ZKSCAN1: variants seen among roughly 807,000 people sequenced by gnomAD.
ZKSCAN1 encodes zinc finger protein with KRAB and SCAN domains 1.
Under a neutral mutation model 51.6 loss-of-function variants are expected in ZKSCAN1, and 14 were observed. The ratio of observed to expected loss-of-function variants is 0.27; its 90% CI spans 0.18 to 0.42. The LOEUF (loss-of-function observed/expected upper bound fraction) is 0.42. Ranked by LOEUF, ZKSCAN1 falls within the 10% of genes least tolerant of loss-of-function variation. The pLI, the probability that ZKSCAN1 is intolerant of heterozygous loss-of-function variation, is 1.00. For missense variants in ZKSCAN1, 531 were observed against 710.0 expected (o/e 0.75, Z 2.86); for synonymous variants, 263 against 261.5 (o/e 1.01, Z -0.06).
chr7:100,041,512 A>G lies in ZKSCAN1; in HGVS notation c.*7315A>G, dbSNP rs889353208. The G allele has an allele frequency of 2.0e-6, 2 of 985,252 alleles. No individual in the cohort carries two copies. Among genetic ancestry groups the G allele is most frequent in the African/African-American group, 3.5e-5 (2 of 57,152 alleles). The allele number at this position is 985,252 out of a possible 1,614,324, so 61.0% of individuals were successfully genotyped here. ...TAATCATAAGAGAAAAGGCAGCATA[A>G]TGAAATGTGTACACATACATAGTCA... On this transcript the variant is annotated 3_prime_UTR_variant, in exon 6 of 6. Coordinates refer to ENST00000324306, the MANE Select transcript of ZKSCAN1 (RefSeq NM_003439.4).
At position 100,023,930 on chromosome 7, in the gene ZKSCAN1, C is replaced by G. The variant is rs1399597962; in HGVS notation, c.424C>G (p.Gln142Glu). 6.3e-7 allele frequency: 1 copy of G among 1,579,578 alleles called. No homozygotes were observed. The highest frequency in any genetic ancestry group is 1.2e-5 in the South Asian group (1 of 86,338). ...EDLELDLSGQQVPGQVHGPEM... is the reference protein window; with the variant it reads ...EDLELDLSGQEVPGQVHGPEM... ...CTTGGAGCTTGATTTATCAGGACAA[C>G]AGGTAAAAAGAGGTGAAACCTATTA... Residue 142 changes from glutamine to glutamate, a missense_variant and splice_region_variant, in exon 2 of 6, where the codon CAG becomes GAG. Physicochemically the swap from Gln to Glu is conservative, Grantham distance 29 (BLOSUM62 2). Around this residue, in one of 2 missense-constraint regions of ZKSCAN1, gnomAD observed 403 missense variants for 490.5 expected, o/e 0.82. Transcript: ENST00000324306.
chr7:100,037,403 T>C lies in ZKSCAN1; in HGVS notation c.*3206T>C, dbSNP rs1791411122. On this transcript the variant is annotated 3_prime_UTR_variant, in exon 6 of 6. Coordinates refer to ENST00000324306, the MANE Select transcript of ZKSCAN1 (RefSeq NM_003439.4). ...TGAGATTATCGATCTATGAGACATC[T>C]TGATATGTAAAGCACTTAATATTAA... 1 of 985,328 alleles carries C rather than the reference T, an allele frequency of 1.0e-6. No homozygotes were observed. The allele number at this position is 985,328 out of a possible 1,614,324, so 61.0% of individuals were successfully genotyped here.
intron 3 of ZKSCAN1, among the ~76,000 whole-genome samples, chr7:100,028,448 AG>A: frequency 6.6e-6 from 1 of 152,312 alleles, no homozygotes; most frequent in African/African-American, 2.4e-5. Context: ...TGGGAGGTCA[AG>A]GCTGCAGTGA....
At chr7:100,023,997 A>G in intron 2 of ZKSCAN1, 65 bp downstream of exon 2, 2 of 1,523,948 alleles carry the variant, frequency 1.3e-6, no homozygotes. Context: ...AGCCAGGAGA[A>G]GTATTGGCAG....
At chr7:100,019,123 G>A (rs955223370) in intron 1 of ZKSCAN1, 1 of 152,204 alleles carries the variant, frequency 6.6e-6, no homozygotes, top group Non-Finnish European at 1.5e-5. Context: ...CTTCTGCTGT[G>A]TCTCCTCCCT....
chr7:100,018,788 C>A (rs1427293402), intron 1 of ZKSCAN1, among the ~76,000 whole-genome samples: 1 of 152,120 alleles, frequency 6.6e-6, no homozygotes, highest in African/African-American at 2.4e-5. Context: ...CAAATAAAAC[C>A]CAGCCTTTCC....
At position 100,026,587 on chromosome 7, in the gene ZKSCAN1, G is replaced by A. The variant is rs139174463; in HGVS notation, c.580+2280G>A. On this transcript the variant is annotated intron_variant, in intron 3 of 5. Coordinates refer to ENST00000324306, the MANE Select transcript of ZKSCAN1 (RefSeq NM_003439.4). ...TACAAAATAAAAAAATTAGCCAGGC[G>A]TGGTGGTGCATGCCTGTAATTCCAG... Among the ~76,000 whole-genome samples, 621 of 152,046 alleles carry A rather than the reference G, an allele frequency of 4.1e-3. 5 individuals carry two copies. Among genetic ancestry groups the A allele is most frequent in the African/African-American group, 0.013 (538 of 41,472 alleles).
chr7:100,030,710 G>C (rs545313671), intron 5 of ZKSCAN1, among the ~76,000 whole-genome samples: 3 of 11,312 alleles, frequency 2.7e-4, no homozygotes, highest in African/African-American at 1.8e-3. Context: ...TGCCTCTGTC[G>C]GGGGAATATC....
chr7:100,042,891 G>A (rs1418323745), downstream of ZKSCAN1, among the ~76,000 whole-genome samples: 3 of 150,470 alleles, frequency 2.0e-5, no homozygotes, highest in Non-Finnish European at 3.0e-5. Context: ...TCCGCCTCCC[G>A]GGTTCCCGCC....
chr7:100,044,944 T>C, downstream of ZKSCAN1: 3 of 985,074 alleles, frequency 3.0e-6, no homozygotes, highest in South Asian at 4.7e-5. Flanking sequence ...GCAGCAAAAA[T>C]AGGTGATGAT....
At chr7:100,029,179 A>C (rs1200998265) in intron 3 of ZKSCAN1, among the ~76,000 whole-genome samples, 2 of 151,702 alleles carry the variant, frequency 1.3e-5, no homozygotes, top group Non-Finnish European at 2.9e-5. Flanking sequence ...AAAAAAAAAA[A>C]AAAAAAAAAA....
At chr7:100,025,660 A>G (rs1162452982) in intron 3 of ZKSCAN1, among the ~76,000 whole-genome samples, 1 of 152,238 alleles carries the variant, frequency 6.6e-6, no homozygotes, top group East Asian at 1.9e-4. Flanking sequence ...ATACAAACCT[A>G]GATGGTCTAG....
Position 100,038,994 on chromosome 7 carries a change from C to CA in ZKSCAN1, c.*4811dup, listed in dbSNP as rs748001017. The CA allele has an allele frequency of 5.7e-3, 529 of 93,524 alleles. 2 individuals are homozygous for CA. Among genetic ancestry groups the CA allele is most frequent in the African/African-American group, 0.013 (314 of 23,816 alleles). 5.8% of individuals were successfully genotyped at this position (93,524 alleles called of 1,614,324 possible). On this transcript the variant is annotated 3_prime_UTR_variant, in exon 6 of 6. Coordinates refer to ENST00000324306, the MANE Select transcript of ZKSCAN1 (RefSeq NM_003439.4). ...TGGGTGATGGCGTGAGACTCCATGT[C>CA]AAAAAAAAAAAAAAGGTTGGGGGGA... is the stretch of plus-strand genomic sequence containing the variant.
In ZKSCAN1 at chr7:100,035,885, A is replaced by G; in HGVS notation, c.*1688A>G. ...CTGTGTAAGTAGTCATCGCCACTCAAGTAGGACAAGGGTCCTACCCAAGGC... is the reference window on the plus strand; with the variant it reads ...CTGTGTAAGTAGTCATCGCCACTCAGGTAGGACAAGGGTCCTACCCAAGGC... On this transcript the variant is annotated 3_prime_UTR_variant, in exon 6 of 6. Coordinates refer to ENST00000324306, the MANE Select transcript of ZKSCAN1 (RefSeq NM_003439.4). The G allele has an allele frequency of 1.0e-6, 1 of 985,450 alleles. No homozygotes were observed. Among genetic ancestry groups the G allele is most frequent in the Non-Finnish European group, 1.2e-6 (1 of 829,950 alleles). 61.0% of individuals were successfully genotyped at this position (985,450 alleles called of 1,614,324 possible).
rs1791365593 is a variant in ZKSCAN1 at position 100,036,489 on chromosome 7, A to G, written c.*2292A>G. ...CCCAGCACTTTGGGAGGCCGAGGTG[A>G]GCGGATCACCTGAGGTCAGGAGTTT... On this transcript the variant is annotated 3_prime_UTR_variant, in exon 6 of 6. Coordinates refer to ENST00000324306, the MANE Select transcript of ZKSCAN1 (RefSeq NM_003439.4). 4.1e-6 allele frequency: 4 copies of G among 971,948 alleles called. No homozygotes were observed. The highest frequency in any genetic ancestry group is 4.9e-6 in the Non-Finnish European group (4 of 817,802). The allele number at this position is 971,948 out of a possible 1,614,324, so 60.2% of individuals were successfully genotyped here.
chr7:100,045,136 A>G (rs931281657), downstream of ZKSCAN1, among the ~76,000 whole-genome samples: 1 of 152,004 alleles, frequency 6.6e-6, no homozygotes, highest in Non-Finnish European at 1.5e-5. Context: ...TCTCCCAGGC[A>G]TGGTGGTGTG....
rs750680760 is a variant in ZKSCAN1 at position 100,024,195 on chromosome 7, G to A, written c.468G>A (p.Gly156=). The A allele has an allele frequency of 1.2e-6, 2 of 1,614,122 alleles. No homozygotes were observed. Among genetic ancestry groups the A allele is most frequent in the Non-Finnish European group, 1.7e-6 (2 of 1,180,028 alleles). Reference sequence around the variant, plus strand: ...ATGGACCTGAGATGCTCGCAAGGGGGATGGTGCCTCTGGATCCAGTTCAGG... The same window carrying A: ...ATGGACCTGAGATGCTCGCAAGGGGAATGGTGCCTCTGGATCCAGTTCAGG... ...QVHGPEMLAR[G]MVPLDPVQES... The change falls in exon 3 of 6, where the codon GGG becomes GGA. Residue 156 remains glycine, a synonymous_variant. Transcript: ENST00000324306.
intron 1 of ZKSCAN1, among the ~76,000 whole-genome samples, chr7:100,021,448 C>T (rs556499498): frequency 6.6e-6 from 1 of 152,150 alleles, no homozygotes; most frequent in Admixed American, 6.6e-5. Context: ...AAAATGTGAA[C>T]ATAGATGGGT....
At chr7:100,026,980 CAG>C (rs1342763708) in intron 3 of ZKSCAN1, among the ~76,000 whole-genome samples, 3 of 151,420 alleles carry the variant, frequency 2.0e-5, no homozygotes, top group Non-Finnish European at 4.4e-5. Flanking sequence ...AGCTAGGCAA[CAG>C]AGCAAAACTC....
Sources: allele counts gnomAD v4.1 joint callset (sites outside exome capture counted in the v4.1 genomes callset), GRCh38; gene constraint gnomAD v4.1.1; regional missense constraint gnomAD v4.1.1; transcripts MANE v1.5; gene names NCBI Gene and HGNC (gene_info 2026-07-23, HGNC 2026-07-21).